The following MED12L variants were observed in gnomAD, a reference collection of about 807,000 sequenced individuals.
The protein encoded by MED12L is mediator complex subunit 12L, also known as mediator of RNA polymerase II transcription subunit 12-like protein.
A neutral mutation model predicts 281.3 loss-of-function variants in MED12L; 60 were observed. The observed-to-expected ratio is 0.21, with a 90% CI of 0.17 to 0.26. The LOEUF (loss-of-function observed/expected upper bound fraction) is 0.26, where lower values mean the gene tolerates loss of function less well. Ranked by LOEUF, MED12L falls within the 10% of genes least tolerant of loss-of-function variation. MED12L has a pLI of 1.00. For synonymous variants in MED12L, 974 were observed against 987.2 expected (o/e 0.99, Z 0.25); for missense variants, 2,146 against 2,680.9 (o/e 0.80, Z 4.41).
At position 151,384,149 on chromosome 3, in the gene MED12L, A is replaced by G. The variant is rs757769299; in HGVS notation, c.4857A>G (p.Leu1619=). 3 of 1,614,052 alleles carry G rather than the reference A, an allele frequency of 1.9e-6. No homozygotes were observed. The highest frequency in any genetic ancestry group is 1.3e-5 in the African/African-American group (1 of 75,062). The change falls in exon 35 of 45, where the codon CTA becomes CTG. Residue 1619 remains leucine, a synonymous_variant. Coordinates refer to ENST00000687756, the MANE Select transcript of MED12L (RefSeq NM_001393769.1). ...VLINGTLASD[L]SNASPGGSEE... is the part of the protein sequence containing the mutation. ...TCAATGGAACGTTAGCCTCTGACCT[A>G]TCAAATGCATCCCCTGGGGGATCTG...
In MED12L at chr3:151,436,538, T is replaced by C. The variant is rs1403039909; in HGVS notation, c.*3734T>C. 4 of 596,018 alleles carry C rather than the reference T, an allele frequency of 6.7e-6. No individual in the cohort carries two copies. Among genetic ancestry groups the C allele is most frequent in the Non-Finnish European group, 1.2e-5 (4 of 347,126 alleles). 36.9% of individuals were successfully genotyped at this position (596,018 alleles called of 1,614,324 possible). ...ATCAGTATCATCAGTTCATAATGCA[T>C]TTATTTACAAGTCCTTTTATTTTGC... On this transcript the variant is annotated 3_prime_UTR_variant, in exon 45 of 45. Coordinates refer to ENST00000687756, the MANE Select transcript of MED12L (RefSeq NM_001393769.1).
Position 151,158,814 on chromosome 3 carries a change from C to A in MED12L, c.837+15C>A. ...TAATGCTGCAGGTATAGTACATGTC[C>A]CCTTGAGGCAGTTGGTTTTATGGGC... On this transcript the variant is annotated intron_variant, in intron 7 of 44. Coordinates refer to ENST00000687756, the MANE Select transcript of MED12L (RefSeq NM_001393769.1). The A allele has an allele frequency of 6.5e-7, 1 of 1,547,274 alleles. No individual in the cohort carries two copies. The highest frequency in any genetic ancestry group is 1.1e-5 in the South Asian group (1 of 87,830).
At chr3:151,166,988 T>C (rs1429781018) in intron 11 of MED12L, among the ~76,000 whole-genome samples, 1 of 152,182 alleles carries the variant, frequency 6.6e-6, no homozygotes, top group African/African-American at 2.4e-5. Flanking sequence ...CCTTAGTCTT[T>C]TAAGACTTTC....
At chr3:151,184,362 T>C (rs1723029252) in intron 11 of MED12L, among the ~76,000 whole-genome samples, 1 of 152,252 alleles carries the variant, frequency 6.6e-6, no homozygotes, top group South Asian at 2.1e-4. Flanking sequence ...CGTGTGCTCA[T>C]AGCCATATCG....
intron 16 of MED12L, among the ~76,000 whole-genome samples, chr3:151,258,708 C>G (rs1295541960): frequency 6.6e-6 from 1 of 151,928 alleles, no homozygotes; most frequent in Non-Finnish European, 1.5e-5. Flanking sequence ...AAAAATTAGC[C>G]AGGTGTGGTG....
At chr3:151,209,278 G>A (rs1053514339) in intron 16 of MED12L, among the ~76,000 whole-genome samples, 13 of 152,162 alleles carry the variant, frequency 8.5e-5, no homozygotes, top group African/African-American at 2.7e-4. Context: ...GCTTTGGGGC[G>A]CACTTTCTTG....
intron 5 of MED12L, among the ~76,000 whole-genome samples, chr3:151,128,922 G>A (rs1714942490): frequency 6.6e-6 from 1 of 152,202 alleles, no homozygotes. Flanking sequence ...GCTGGCCATG[G>A]TCAGTATTTT....
chr3:151,172,052 G>A (rs1370877942), intron 11 of MED12L, among the ~76,000 whole-genome samples: 2 of 152,188 alleles, frequency 1.3e-5, no homozygotes, highest in Non-Finnish European at 2.9e-5. Flanking sequence ...GAAAGGTAGA[G>A]ATGAATACAG....
intron 2 of MED12L, among the ~76,000 whole-genome samples, chr3:151,114,161 G>A (rs1258731293): frequency 6.6e-6 from 1 of 152,136 alleles, no homozygotes; most frequent in Non-Finnish European, 1.5e-5. Flanking sequence ...ATGTAGTTTT[G>A]CTCTATATTT....
At chr3:151,334,624 T>C (rs1004241824) in intron 16 of MED12L, among the ~76,000 whole-genome samples, 1 of 152,148 alleles carries the variant, frequency 6.6e-6, no homozygotes, top group African/African-American at 2.4e-5. Flanking sequence ...CTCAGCCTCC[T>C]GAGTAGCTGG....
chr3:151,118,100 A>G (rs1171067722), intron 3 of MED12L, among the ~76,000 whole-genome samples: 1 of 151,780 alleles, frequency 6.6e-6, no homozygotes, highest in Non-Finnish European at 1.5e-5. Context: ...CAAAAAAAAA[A>G]AAAAAAAGGA....
At chr3:151,334,013 G>T (rs1415915106) in intron 16 of MED12L, among the ~76,000 whole-genome samples, 1 of 151,904 alleles carries the variant, frequency 6.6e-6, no homozygotes, top group East Asian at 1.9e-4. Context: ...GGAGGCGGAG[G>T]TTGCAGTGAG....
intron 16 of MED12L, among the ~76,000 whole-genome samples, chr3:151,303,068 A>G (rs1440668001): frequency 6.6e-6 from 1 of 152,138 alleles, no homozygotes; most frequent in Non-Finnish European, 1.5e-5. Flanking sequence ...GTAGCCAAAG[A>G]TAAGGTATAA....
intron 5 of MED12L, among the ~76,000 whole-genome samples, chr3:151,145,994 G>A (rs9683109): frequency 0.3 from 45,848 of 152,026 alleles, 8,818 homozygotes; most frequent in African/African-American, 0.54. Flanking sequence ...GTTAATTTAC[G>A]TATCTGATCT....
At chr3:151,431,049 C>T (rs550509193) in intron 44 of MED12L, among the ~76,000 whole-genome samples, 2 of 152,244 alleles carry the variant, frequency 1.3e-5, no homozygotes, top group South Asian at 2.1e-4. Flanking sequence ...AATTGAATCA[C>T]CCCTGGGCGG....
chr3:151,086,742 G>A (rs1334091888), intron 1 of MED12L, 56 bp from the exon 2 acceptor site: 9 of 542,420 alleles, frequency 1.7e-5, no homozygotes, highest in Admixed American at 3.5e-5. Flanking sequence ...CCATCAGTGC[G>A]TGTCTGCTGC....
chr3:151,256,319 G>T (rs745551029), intron 16 of MED12L, among the ~76,000 whole-genome samples: 1 of 152,062 alleles, frequency 6.6e-6, no homozygotes, highest in Non-Finnish European at 1.5e-5. Context: ...AGTGCTTCTC[G>T]GAGCTTTACA....
At chr3:151,230,570 C>CTTTTTT (rs368433695) in intron 16 of MED12L, among the ~76,000 whole-genome samples, 2 of 139,458 alleles carry the variant, frequency 1.4e-5, no homozygotes, top group Non-Finnish European at 1.6e-5. Flanking sequence ...TTACTCCACG[C>CTTTTTT]TTTTTTTTTT....
intron 16 of MED12L, chr3:151,213,893 A>G (rs1187861408): frequency 6.2e-7 from 1 of 1,614,016 alleles, no homozygotes. Context: ...ACTATCACTG[A>G]CAGAAGTTTG....
Sources: allele counts gnomAD v4.1 joint callset (sites outside exome capture counted in the v4.1 genomes callset), GRCh38; gene constraint gnomAD v4.1.1; transcripts MANE v1.5; gene names NCBI Gene and HGNC (gene_info 2026-07-23, HGNC 2026-07-21).